The following HCN1 variants were observed in gnomAD, a reference collection of about 807,000 sequenced individuals.
HCN1 encodes potassium/sodium hyperpolarization-activated cyclic nucleotide-gated channel 1.
A neutral mutation model predicts 78.9 loss-of-function variants in HCN1; 13 were observed. The observed-to-expected ratio is 0.16, with a 90% CI of 0.11 to 0.26. The LOEUF is 0.26. HCN1 is among the 10% of genes least tolerant of loss of function. HCN1 has a pLI of 1.00. For missense variants in HCN1, 810 were observed against 1,154.3 expected, an observed-to-expected ratio of 0.70 and a Z score of 4.32; for synonymous variants, 552 against 455.5, an observed-to-expected ratio of 1.21 and a Z score of -2.70.
At chr5:45,551,430 T>C (rs762260128) in intron 2 of HCN1, among the ~76,000 whole-genome samples, 26 of 151,728 alleles carry the variant, frequency 1.7e-4, no homozygotes, top group Non-Finnish European at 3.8e-4. Context: ...TTTAAGTTTC[T>C]AGACAAAAAT....
chr5:45,310,179 C>G (rs1157444327), intron 5 of HCN1, among the ~76,000 whole-genome samples: 1 of 152,026 alleles, frequency 6.6e-6, no homozygotes, highest in Admixed American at 6.6e-5. Context: ...ACTAATTAAA[C>G]TAAAGAGCTT....
At chr5:45,633,849 A>G (rs1378123643) in intron 2 of HCN1, among the ~76,000 whole-genome samples, 1 of 151,972 alleles carries the variant, frequency 6.6e-6, no homozygotes. Context: ...TTCTTCAAAA[A>G]TTGCAGCATT....
intron 5 of HCN1, among the ~76,000 whole-genome samples, chr5:45,321,600 A>ATTAAACCACAGCTTTAT (rs1746127585): frequency 4.0e-5 from 6 of 150,256 alleles, no homozygotes; most frequent in African/African-American, 1.3e-4. Context: ...TTTAATCTAA[A>ATTAAACCACAGCTTTAT]ATTTTGCCCA....
intron 2 of HCN1, among the ~76,000 whole-genome samples, chr5:45,541,958 C>T (rs1271328806): frequency 2.6e-5 from 4 of 152,056 alleles, no homozygotes; most frequent in African/African-American, 9.7e-5. Context: ...ATAACGTAAA[C>T]ATATTTGTGG....
chr5:45,668,088 G>C (rs1045398062), intron 1 of HCN1, among the ~76,000 whole-genome samples: 2 of 151,886 alleles, frequency 1.3e-5, no homozygotes, highest in Non-Finnish European at 2.9e-5. Flanking sequence ...TATTGATTTT[G>C]TATTTTATAC....
intron 1 of HCN1, chr5:45,695,232 T>C (rs1445578383): frequency 5.1e-6 from 1 of 195,008 alleles, no homozygotes; most frequent in East Asian, 1.7e-4. Flanking sequence ...GGTTACCCAG[T>C]CTTCTTCTGA....
intron 1 of HCN1, among the ~76,000 whole-genome samples, chr5:45,668,309 G>A (rs888867522): frequency 1.3e-5 from 2 of 151,806 alleles, no homozygotes; most frequent in African/African-American, 4.8e-5. Context: ...GATCATGGGG[G>A]CACTTTCCCC....
rs188599063 is a variant in HCN1, at chr5:45,282,388, T to C, written c.1619-15135A>G. 5.9e-4 allele frequency among the ~76,000 whole-genome samples: 90 copies of C among 152,310 alleles called. 1 individual carries two copies. Among genetic ancestry groups the C allele is most frequent in the South Asian group, 1.4e-3 (7 of 4,830 alleles). On this transcript the variant is annotated intron_variant, in intron 6 of 7. Coordinates refer to ENST00000303230, the MANE Select transcript of HCN1 (RefSeq NM_021072.4). ...ATACATTGAAAAGTATTAATTCAAA[T>C]TATGTGTAGTGAGTGGATTTAGGGT...
chr5:45,490,745 T>A (rs1219924099), intron 2 of HCN1, among the ~76,000 whole-genome samples: 3 of 152,286 alleles, frequency 2.0e-5, no homozygotes, highest in Non-Finnish European at 4.4e-5. Context: ...TACTCACAAT[T>A]TTTTTAAATA....
At chr5:45,369,888 A>G (rs1747317775) in intron 4 of HCN1, among the ~76,000 whole-genome samples, 1 of 152,100 alleles carries the variant, frequency 6.6e-6, no homozygotes, top group African/African-American at 2.4e-5. Flanking sequence ...CTAGGAATAA[A>G]TAATGTTAGC....
At chr5:45,514,681 C>A (rs1271703943) in intron 2 of HCN1, among the ~76,000 whole-genome samples, 1 of 152,026 alleles carries the variant, frequency 6.6e-6, no homozygotes, top group Non-Finnish European at 1.5e-5. Flanking sequence ...CTTGGAATTT[C>A]TACTCATCTC....
intron 2 of HCN1, among the ~76,000 whole-genome samples, chr5:45,568,176 TTC>T (rs1310491189): frequency 6.6e-6 from 1 of 152,106 alleles, no homozygotes; most frequent in Non-Finnish European, 1.5e-5. Flanking sequence ...TAAGAGTATT[TTC>T]TCTTTCTTGA....
chr5:45,666,881 G>A (rs1301549102), intron 1 of HCN1, among the ~76,000 whole-genome samples: 3 of 151,938 alleles, frequency 2.0e-5, no homozygotes, highest in African/African-American at 7.3e-5. Context: ...TCAATATCAT[G>A]AAAATGCAGA....
At chr5:45,377,483 C>T (rs1747707767) in intron 4 of HCN1, among the ~76,000 whole-genome samples, 1 of 151,778 alleles carries the variant, frequency 6.6e-6, no homozygotes, top group African/African-American at 2.4e-5. Flanking sequence ...ACTTAGGGGG[C>T]TGTTTTTTAC....
intron 6 of HCN1, among the ~76,000 whole-genome samples, chr5:45,272,270 A>G (rs1744974561): frequency 6.6e-6 from 1 of 151,926 alleles, no homozygotes; most frequent in African/African-American, 2.4e-5. Flanking sequence ...TTTGGCGGGG[A>G]TGGGGGGTGT....
At chr5:45,665,428 C>T (rs1309830133) in intron 1 of HCN1, among the ~76,000 whole-genome samples, 3 of 151,658 alleles carry the variant, frequency 2.0e-5, no homozygotes, top group Non-Finnish European at 4.4e-5. Context: ...TGCACATGTA[C>T]CCTAAAACTT....
intron 2 of HCN1, among the ~76,000 whole-genome samples, chr5:45,466,847 C>A (rs1741280084): frequency 1.3e-5 from 2 of 152,062 alleles, no homozygotes; most frequent in South Asian, 4.1e-4. Flanking sequence ...TCATAGTAAT[C>A]TCTTTTAACA....
At chr5:45,688,212 T>C (rs575378407) in intron 1 of HCN1, among the ~76,000 whole-genome samples, 2 of 152,296 alleles carry the variant, frequency 1.3e-5, no homozygotes, top group African/African-American at 2.4e-5. Context: ...GAAGTATAAA[T>C]GATTAGGTTC....
At chr5:45,309,887 G>C (rs1224983403) in intron 5 of HCN1, among the ~76,000 whole-genome samples, 1 of 152,186 alleles carries the variant, frequency 6.6e-6, no homozygotes, top group Non-Finnish European at 1.5e-5. Flanking sequence ...CATAGAATAA[G>C]TTAGGGAGGA....
Sources: allele counts gnomAD v4.1 joint callset (sites outside exome capture counted in the v4.1 genomes callset), GRCh38; gene constraint gnomAD v4.1.1; transcripts MANE v1.5; gene names NCBI Gene and HGNC (gene_info 2026-07-23, HGNC 2026-07-21).